PRKN: variants seen among roughly 807,000 people sequenced by gnomAD.
The protein encoded by PRKN is E3 ubiquitin-protein ligase parkin.
A neutral mutation model predicts 59.5 loss-of-function variants in PRKN; 56 were observed. The ratio of observed to expected loss-of-function variants is 0.94; its 90% CI spans 0.76 to 1.18. The LOEUF (loss-of-function observed/expected upper bound fraction) is 1.18, where lower values mean the gene tolerates loss of function less well. PRKN is among the 50% of genes most tolerant of loss of function. The pLI, the probability that PRKN is intolerant of heterozygous loss-of-function variation, is 0.00. For missense variants in PRKN, 657 were observed against 596.4 expected, an observed-to-expected ratio of 1.10 and a Z score of -1.06; for synonymous variants, 250 against 222.1, an observed-to-expected ratio of 1.13 and a Z score of -1.12.
At chr6:162,268,938 C>T (rs117854680) in intron 2 of PRKN, among the ~76,000 whole-genome samples, 4,845 of 152,072 alleles carry the variant, frequency 0.032, 115 homozygotes, top group Middle Eastern at 0.075. Context: ...GGATCTGGGA[C>T]GGGGCTGTAT....
chr6:162,459,724 T>C (rs1791067084), intron 1 of PRKN, among the ~76,000 whole-genome samples: 2 of 152,224 alleles, frequency 1.3e-5, no homozygotes, highest in South Asian at 2.1e-4. Context: ...GATTAATGCA[T>C]AGTATACAGT....
At chr6:162,280,786 G>A in intron 2 of PRKN, among the ~76,000 whole-genome samples, 1 of 99,834 alleles carries the variant, frequency 1.0e-5, no homozygotes, top group Non-Finnish European at 1.7e-5. Flanking sequence ...TACAGAGTGA[G>A]ACTCCATCTC....
At chr6:162,356,110 C>T (rs946976170) in intron 2 of PRKN, among the ~76,000 whole-genome samples, 2 of 152,076 alleles carry the variant, frequency 1.3e-5, no homozygotes, top group Admixed American at 1.3e-4. Flanking sequence ...GCCAAAACCA[C>T]CAACGTGACC....
intron 9 of PRKN, among the ~76,000 whole-genome samples, chr6:161,505,407 T>C (rs1484167128): frequency 6.6e-6 from 1 of 151,380 alleles, no homozygotes; most frequent in Non-Finnish European, 1.5e-5. Flanking sequence ...TTGAGTTCAT[T>C]GTAGATTCTG....
At chr6:162,115,080 A>G (rs371983484) in intron 4 of PRKN, among the ~76,000 whole-genome samples, 13 of 152,134 alleles carry the variant, frequency 8.5e-5, no homozygotes, top group Middle Eastern at 3.4e-3. Flanking sequence ...CAATAGCAAA[A>G]ACTTGGAACC....
At chr6:161,976,388 G>A (rs745729778) in intron 5 of PRKN, among the ~76,000 whole-genome samples, 2 of 152,202 alleles carry the variant, frequency 1.3e-5, no homozygotes, top group Admixed American at 6.5e-5. Flanking sequence ...CATGTGTGTG[G>A]AGTCTTGCTG....
intron 4 of PRKN, among the ~76,000 whole-genome samples, chr6:162,086,760 C>T (rs1779262680): frequency 6.6e-6 from 1 of 152,184 alleles, no homozygotes; most frequent in South Asian, 2.1e-4. Flanking sequence ...TTATCTCCAT[C>T]TTAACTACAT....
chr6:162,677,015 G>A (rs991964832), intron 1 of PRKN, among the ~76,000 whole-genome samples: 27 of 148,034 alleles, frequency 1.8e-4, no homozygotes, highest in Admixed American at 8.2e-4. Flanking sequence ...GGGCAGAGAC[G>A]GTGCAACTGC....
At chr6:161,797,135 C>A (rs1790882970) in intron 6 of PRKN, among the ~76,000 whole-genome samples, 1 of 152,220 alleles carries the variant, frequency 6.6e-6, no homozygotes, top group Non-Finnish European at 1.5e-5. Flanking sequence ...AAAGATACAT[C>A]TTTTGCTGTT....
At chr6:161,936,444 C>T (rs1224424103) in intron 6 of PRKN, among the ~76,000 whole-genome samples, 1 of 152,024 alleles carries the variant, frequency 6.6e-6, no homozygotes, top group Non-Finnish European at 1.5e-5. Context: ...CTCCTGACCT[C>T]GTGATCCACC....
At chr6:162,545,182 G>A (rs1225680342) in intron 1 of PRKN, among the ~76,000 whole-genome samples, 1 of 151,926 alleles carries the variant, frequency 6.6e-6, no homozygotes, top group Non-Finnish European at 1.5e-5. Flanking sequence ...CAGCTACTTG[G>A]GAGGCTGAGG....
chr6:161,633,461 G>A (rs769159807), intron 7 of PRKN, among the ~76,000 whole-genome samples: 45 of 152,158 alleles, frequency 3.0e-4, no homozygotes, highest in Non-Finnish European at 6.0e-4. Flanking sequence ...AGCTTAATAG[G>A]GTTGGGATCT....
At chr6:161,403,002 C>G (rs1291125229) in intron 9 of PRKN, among the ~76,000 whole-genome samples, 1 of 152,122 alleles carries the variant, frequency 6.6e-6, no homozygotes, top group Non-Finnish European at 1.5e-5. Context: ...AGGCCCTCCC[C>G]GAATTTGCTG....
At chr6:161,728,230 C>T (rs997003183) in intron 7 of PRKN, among the ~76,000 whole-genome samples, 1 of 144,998 alleles carries the variant, frequency 6.9e-6, no homozygotes, top group African/African-American at 2.9e-5. Flanking sequence ...TGTTTTTCTC[C>T]TACCAAAATG....
intron 4 of PRKN, among the ~76,000 whole-genome samples, chr6:162,078,435 C>T (rs1174917610): frequency 2.6e-5 from 4 of 152,034 alleles, no homozygotes; most frequent in Non-Finnish European, 5.9e-5. Context: ...AAGGGAAACA[C>T]AGAGCTTGCT....
At chr6:162,116,565 G>A (rs961195525) in intron 4 of PRKN, among the ~76,000 whole-genome samples, 7 of 152,306 alleles carry the variant, frequency 4.6e-5, no homozygotes, top group Middle Eastern at 3.4e-3. Flanking sequence ...ACGAGAGCAC[G>A]TGTGTACATT....
At chr6:162,669,019 A>C (rs1313653756) in intron 1 of PRKN, among the ~76,000 whole-genome samples, 1 of 152,182 alleles carries the variant, frequency 6.6e-6, no homozygotes, top group Non-Finnish European at 1.5e-5. Flanking sequence ...ACCAAGACCT[A>C]GAGAGGTTAA....
At chr6:161,594,642 C>T (rs1195831264) in intron 7 of PRKN, among the ~76,000 whole-genome samples, 1 of 152,142 alleles carries the variant, frequency 6.6e-6, no homozygotes, top group Non-Finnish European at 1.5e-5. Flanking sequence ...ATGACATCAC[C>T]AGTTAAGTTG....
intron 2 of PRKN, among the ~76,000 whole-genome samples, chr6:162,350,253 T>C (rs939066109): frequency 2.0e-5 from 3 of 152,146 alleles, no homozygotes; most frequent in African/African-American, 7.2e-5. Context: ...AGACTCAGTG[T>C]TGTCAAAATA....
Sources: allele counts gnomAD v4.1 joint callset (sites outside exome capture counted in the v4.1 genomes callset), GRCh38; gene constraint gnomAD v4.1.1; transcripts MANE v1.5; gene names NCBI Gene and HGNC (gene_info 2026-07-23, HGNC 2026-07-21).